The following CNTNAP2 variants were observed in gnomAD, a reference collection of about 807,000 sequenced individuals.
The protein encoded by CNTNAP2 is contactin-associated protein-like 2.
CNTNAP2 carries 98 observed loss-of-function variants against 155.2 expected under a neutral mutation model. The ratio of observed to expected loss-of-function variants is 0.63; its 90% CI spans 0.54 to 0.75. The LOEUF (loss-of-function observed/expected upper bound fraction) is 0.75, where lower values mean the gene tolerates loss of function less well. CNTNAP2 is among the 30% of genes least tolerant of loss of function. CNTNAP2 has a pLI of 0.00. For synonymous variants in CNTNAP2, 651 were observed against 631.2 expected (o/e 1.03, Z -0.47); for missense variants, 1,727 against 1,688.1 (o/e 1.02, Z -0.40).
At chr7:146,317,473 C>T (rs2129091778) in intron 1 of CNTNAP2, among the ~76,000 whole-genome samples, 1 of 152,220 alleles carries the variant, frequency 6.6e-6, no homozygotes, top group South Asian at 2.1e-4. Context: ...TTGTATAGTT[C>T]TTTCAGCAGT....
At chr7:146,854,631 G>A (rs1794941414) in intron 3 of CNTNAP2, among the ~76,000 whole-genome samples, 1 of 152,112 alleles carries the variant, frequency 6.6e-6, no homozygotes, top group Non-Finnish European at 1.5e-5. Context: ...AATTCAGCAT[G>A]ATATAAGTAC....
intron 10 of CNTNAP2, among the ~76,000 whole-genome samples, chr7:147,424,005 G>A (rs1297573447): frequency 1.3e-5 from 2 of 152,062 alleles, no homozygotes; most frequent in African/African-American, 4.8e-5. Context: ...GCATCTCCCT[G>A]GGGGGAAGAA....
chr7:146,722,593 G>A (rs974344181), intron 1 of CNTNAP2, among the ~76,000 whole-genome samples: 1 of 152,080 alleles, frequency 6.6e-6, no homozygotes, highest in Non-Finnish European at 1.5e-5. Context: ...TGGCCCAGGG[G>A]ATTGGAGATT....
chr7:148,057,033 C>T (rs796152468), intron 15 of CNTNAP2, among the ~76,000 whole-genome samples: 43 of 152,256 alleles, frequency 2.8e-4, no homozygotes, highest in African/African-American at 1.0e-3. Context: ...AGTTGCTCAA[C>T]TTTTCTGAGT....
chr7:146,451,562 A>G (rs1329417863), intron 1 of CNTNAP2, among the ~76,000 whole-genome samples: 1 of 152,050 alleles, frequency 6.6e-6, no homozygotes, highest in Non-Finnish European at 1.5e-5. Flanking sequence ...CTCTGCTGTC[A>G]CTGTCTTGAA....
chr7:147,958,906 T>C (rs1801070159), intron 14 of CNTNAP2, among the ~76,000 whole-genome samples: 1 of 152,118 alleles, frequency 6.6e-6, no homozygotes, highest in Non-Finnish European at 1.5e-5. Context: ...GCAGTAAGTG[T>C]AGGGTGGAAT....
At chr7:148,179,608 G>A (rs1388419060) in intron 18 of CNTNAP2, among the ~76,000 whole-genome samples, 1 of 141,472 alleles carries the variant, frequency 7.1e-6, no homozygotes, top group African/African-American at 2.8e-5. Context: ...AGGGAGGGAA[G>A]GAGGGAAGGA....
intron 1 of CNTNAP2, among the ~76,000 whole-genome samples, chr7:146,121,746 T>C (rs1797566355): frequency 6.6e-6 from 1 of 152,226 alleles, no homozygotes; most frequent in South Asian, 2.1e-4. Context: ...GAGAGACACA[T>C]ATTTTAAGAT....
At chr7:147,753,669 A>G (rs997229193) in intron 13 of CNTNAP2, among the ~76,000 whole-genome samples, 1 of 152,210 alleles carries the variant, frequency 6.6e-6, no homozygotes, top group East Asian at 1.9e-4. Context: ...AATGGGGACA[A>G]GAGAAGTCTC....
chr7:146,505,532 A>G (rs1459805535), intron 1 of CNTNAP2, among the ~76,000 whole-genome samples: 2 of 152,194 alleles, frequency 1.3e-5, no homozygotes, highest in Non-Finnish European at 2.9e-5. Context: ...GGAAATACAG[A>G]TGTTCCCTGG....
intron 2 of CNTNAP2, among the ~76,000 whole-genome samples, chr7:146,808,352 C>A (rs1803005119): frequency 6.6e-6 from 1 of 152,122 alleles, no homozygotes; most frequent in Non-Finnish European, 1.5e-5. Context: ...AGAATGTAAA[C>A]TAAACTGTAA....
intron 1 of CNTNAP2, among the ~76,000 whole-genome samples, chr7:146,141,252 T>G (rs973642511): frequency 5.9e-5 from 9 of 152,202 alleles, no homozygotes; most frequent in Admixed American, 5.2e-4. Flanking sequence ...ATTCTAGGTG[T>G]GAGTAAAACA....
chr7:147,494,468 C>CAAAAAAAAAA (rs10562874), intron 11 of CNTNAP2, among the ~76,000 whole-genome samples: 8 of 116,380 alleles, frequency 6.9e-5, no homozygotes, highest in South Asian at 3.2e-4. Flanking sequence ...TGAGTCTTGG[C>CAAAAAAAAAA]AAAAAAAAAA....
chr7:148,082,450 C>G (rs1803629798), intron 15 of CNTNAP2, among the ~76,000 whole-genome samples: 1 of 152,054 alleles, frequency 6.6e-6, no homozygotes, highest in South Asian at 2.1e-4. Flanking sequence ...CTTGTAATAT[C>G]CACAGCAAAG....
intron 8 of CNTNAP2, among the ~76,000 whole-genome samples, chr7:147,185,597 G>T (rs144867142): frequency 6.6e-6 from 1 of 152,260 alleles, no homozygotes; most frequent in African/African-American, 2.4e-5. Context: ...AAATAGAGAT[G>T]AATCTTAGAA....
chr7:148,095,167 C>T (rs1563197585), intron 15 of CNTNAP2, among the ~76,000 whole-genome samples: 1 of 152,132 alleles, frequency 6.6e-6, no homozygotes, highest in African/African-American at 2.4e-5. Flanking sequence ...CTGTTTTCCC[C>T]AGAGACCCAC....
At chr7:146,259,843 A>C (rs559497124) in intron 1 of CNTNAP2, among the ~76,000 whole-genome samples, 4 of 152,240 alleles carry the variant, frequency 2.6e-5, no homozygotes, top group Non-Finnish European at 5.9e-5. Context: ...GCTGAAATTT[A>C]TGTTAAGTAA....
intron 3 of CNTNAP2, among the ~76,000 whole-genome samples, chr7:146,966,694 A>G (rs1184938098): frequency 6.6e-6 from 1 of 152,190 alleles, no homozygotes; most frequent in Non-Finnish European, 1.5e-5. Flanking sequence ...CCAATTCACA[A>G]TGCAAATGTA....
At chr7:146,667,388 T>G (rs141283675) in intron 1 of CNTNAP2, among the ~76,000 whole-genome samples, 1 of 152,140 alleles carries the variant, frequency 6.6e-6, no homozygotes, top group African/African-American at 2.4e-5. Flanking sequence ...TATGGCTTTG[T>G]AGTATATTTT....
Sources: allele counts gnomAD v4.1 joint callset (sites outside exome capture counted in the v4.1 genomes callset), GRCh38; gene constraint gnomAD v4.1.1; transcripts MANE v1.5; gene names NCBI Gene and HGNC (gene_info 2026-07-23, HGNC 2026-07-21).